The following RBFOX1 variants were observed in gnomAD, a reference collection of about 807,000 sequenced individuals.
RBFOX1 encodes the protein RNA binding fox-1 homolog 1.
RBFOX1 carries 8 observed loss-of-function variants against 57.7 expected under a neutral mutation model. That is an observed-to-expected ratio of 0.14 (90% CI 0.08 to 0.25). The LOEUF is 0.25. RBFOX1 is among the 10% of genes least tolerant of loss of function. The pLI, the probability that RBFOX1 is intolerant of heterozygous loss-of-function variation, is 1.00. For synonymous variants in RBFOX1, 326 were observed against 222.4 expected (o/e 1.47, Z -4.15); for missense variants, 611 against 548.5 (o/e 1.11, Z -1.14).
intron 3 of RBFOX1, among the ~76,000 whole-genome samples, chr16:5,687,961 C>T (rs368851473): frequency 1.3e-5 from 2 of 152,144 alleles, no homozygotes; most frequent in East Asian, 1.9e-4. Context: ...CCTTAACTCA[C>T]AGTTGTGTAA....
At chr16:6,876,137 T>A (rs931237593) in intron 3 of RBFOX1, among the ~76,000 whole-genome samples, 1 of 152,000 alleles carries the variant, frequency 6.6e-6, no homozygotes, top group Non-Finnish European at 1.5e-5. Flanking sequence ...GAGCCATGAT[T>A]GCACCATTGC....
intron 4 of RBFOX1, among the ~76,000 whole-genome samples, chr16:7,490,244 T>G (rs1316495486): frequency 1.3e-5 from 2 of 152,204 alleles, no homozygotes; most frequent in African/African-American, 4.8e-5. Flanking sequence ...AGAATGACAC[T>G]TTGTCTCTCC....
intron 4 of RBFOX1, among the ~76,000 whole-genome samples, chr16:7,207,284 C>T (rs1261171142): frequency 6.6e-6 from 1 of 152,176 alleles, no homozygotes; most frequent in African/African-American, 2.4e-5. Flanking sequence ...GCCCTTCATT[C>T]TGCTAGCTTC....
At chr16:5,669,714 G>A (rs1308664856) in intron 3 of RBFOX1, among the ~76,000 whole-genome samples, 1 of 152,154 alleles carries the variant, frequency 6.6e-6, no homozygotes, top group Non-Finnish European at 1.5e-5. Context: ...CACCACGCCG[G>A]GCCCAAGATG....
chr16:5,664,050 C>G (rs1479880126), intron 3 of RBFOX1, among the ~76,000 whole-genome samples: 1 of 152,202 alleles, frequency 6.6e-6, no homozygotes, highest in Non-Finnish European at 1.5e-5. Flanking sequence ...AGAGAGAGCA[C>G]ACTGTCTTCT....
intron 1 of RBFOX1, among the ~76,000 whole-genome samples, chr16:6,291,141 G>A (rs1409157491): frequency 3.9e-5 from 6 of 152,152 alleles, no homozygotes; most frequent in African/African-American, 1.4e-4. Context: ...GGTTTTGGTG[G>A]GTTTTGGCCA....
intron 3 of RBFOX1, among the ~76,000 whole-genome samples, chr16:6,950,113 ATTTTTTTTT>A (rs58222300): frequency 0.14 from 16,539 of 121,002 alleles, 1,157 homozygotes; most frequent in South Asian, 0.21. Flanking sequence ...CGCAGAGGTA[ATTTTTTTTT>A]TTTTTTTTTT....
chr16:5,588,507 A>C (rs1280749159), intron 2 of RBFOX1, among the ~76,000 whole-genome samples: 1 of 152,196 alleles, frequency 6.6e-6, no homozygotes, highest in Non-Finnish European at 1.5e-5. Context: ...CTAGTTTTAC[A>C]GTCCAGGCAA....
chr16:6,191,201 G>C (rs1030430084), intron 1 of RBFOX1, among the ~76,000 whole-genome samples: 4 of 150,650 alleles, frequency 2.7e-5, no homozygotes, highest in Non-Finnish European at 5.9e-5. Context: ...GCTGAACTTG[G>C]CTATTGGGCT....
chr16:5,326,541 G>A (rs1323228177), intron 1 of RBFOX1, among the ~76,000 whole-genome samples: 2 of 152,160 alleles, frequency 1.3e-5, no homozygotes, highest in African/African-American at 2.4e-5. Context: ...GCCCTGGTAC[G>A]ATGCACTCCC....
chr16:7,688,790 A>T (rs185479264), intron 14 of RBFOX1, among the ~76,000 whole-genome samples: 4 of 152,252 alleles, frequency 2.6e-5, no homozygotes, highest in Admixed American at 2.6e-4. Context: ...ATGCCATTTC[A>T]TAATCAAGTT....
chr16:6,515,286 C>T lies in RBFOX1; in HGVS notation c.-63-139317C>T, dbSNP rs539248543. Among the ~76,000 whole-genome samples the T allele has an allele frequency of 2.6e-5, 4 of 152,334 alleles. No individual in the cohort carries two copies. The East Asian group carries it at 7.7e-4, about 29-fold the overall frequency. On this transcript the variant is annotated intron_variant, in intron 2 of 15. Transcript: ENST00000550418. ...CTGTATTCTTCCTCTCCTGACCCAT[C>T]CATTTTATGCTCAGCTGCTAGGCTT... is the stretch of plus-strand genomic sequence containing the variant.
At chr16:5,737,286 A>G (rs2052611679) in intron 3 of RBFOX1, among the ~76,000 whole-genome samples, 1 of 151,996 alleles carries the variant, frequency 6.6e-6, no homozygotes, top group Non-Finnish European at 1.5e-5. Context: ...GAGTTCAAGA[A>G]CAGCCTGGCC....
At chr16:6,303,554 C>T (rs760175142) in intron 1 of RBFOX1, among the ~76,000 whole-genome samples, 20 of 151,894 alleles carry the variant, frequency 1.3e-4, no homozygotes, top group African/African-American at 1.9e-4. Context: ...TTGCTTTTTG[C>T]GTTATTTTGT....
At chr16:7,664,725 G>A in intron 12 of RBFOX1, 1 of 807,168 alleles carries the variant, frequency 1.2e-6, no homozygotes, top group South Asian at 1.8e-5. Flanking sequence ...TCCTAATTCT[G>A]GGCCAACACC....
intron 3 of RBFOX1, among the ~76,000 whole-genome samples, chr16:6,950,789 T>A (rs989122022): frequency 6.6e-6 from 1 of 152,196 alleles, no homozygotes; most frequent in Non-Finnish European, 1.5e-5. Context: ...TGTGGCAGAA[T>A]GCTCTATCAC....
At chr16:6,791,604 C>G (rs145251198) in intron 3 of RBFOX1, among the ~76,000 whole-genome samples, 2,652 of 152,220 alleles carry the variant, frequency 0.017, 90 homozygotes, top group African/African-American at 0.06. Flanking sequence ...ACTAAAAATA[C>G]AAAAATCAGC....
At chr16:6,763,854 C>A (rs2076967167) in intron 3 of RBFOX1, among the ~76,000 whole-genome samples, 1 of 152,148 alleles carries the variant, frequency 6.6e-6, no homozygotes, top group Non-Finnish European at 1.5e-5. Flanking sequence ...TTCTGTAATT[C>A]CTCTATTTCA....
At chr16:7,600,954 T>C (rs1351433381) in intron 9 of RBFOX1, among the ~76,000 whole-genome samples, 1 of 152,196 alleles carries the variant, frequency 6.6e-6, no homozygotes, top group Non-Finnish European at 1.5e-5. Flanking sequence ...TATTTCTCTA[T>C]TGCTATTTCT....
Sources: allele counts gnomAD v4.1 joint callset (sites outside exome capture counted in the v4.1 genomes callset), GRCh38; gene constraint gnomAD v4.1.1; transcripts MANE v1.5; gene names NCBI Gene and HGNC (gene_info 2026-07-23, HGNC 2026-07-21).